TPPP: variants seen among roughly 807,000 people sequenced by gnomAD.
TPPP encodes tubulin polymerization-promoting protein.
TPPP carries 6 observed loss-of-function variants against 15.5 expected under a neutral mutation model. The ratio of observed to expected loss-of-function variants is 0.39; its 90% CI spans 0.21 to 0.77. The LOEUF (loss-of-function observed/expected upper bound fraction) is 0.77, where lower values mean the gene tolerates loss of function less well. TPPP is among the 30% of genes least tolerant of loss of function. The probability of loss-of-function intolerance (pLI) is 0.42; values close to 1 mark genes in which losing one functional copy is unlikely to be tolerated. For missense variants in TPPP, 269 were observed against 307.2 expected (o/e 0.88, Z 0.93); for synonymous variants, 146 against 133.9 (o/e 1.09, Z -0.63).
chr5:683,452 G>A (rs1377771823), intron 1 of TPPP, among the ~76,000 whole-genome samples: 1 of 152,216 alleles, frequency 6.6e-6, no homozygotes, highest in African/African-American at 2.4e-5. Flanking sequence ...TGCCTGGCAG[G>A]AGCCGATGCT....
chr5:665,054 G>C lies in TPPP; in HGVS notation c.*48C>G, dbSNP rs1739836232. ...ATGTAATGAAGTGCGAGGTGACAGA[G>C]TCCCTGCTCTGGGGACACCGGCAGT... On this transcript the variant is annotated 3_prime_UTR_variant, in exon 4 of 4. Coordinates refer to ENST00000360578, the MANE Select transcript of TPPP (RefSeq NM_007030.3). The C allele has an allele frequency of 6.3e-7, 1 of 1,574,862 alleles. No individual in the cohort carries two copies. The highest frequency in any genetic ancestry group is 1.3e-5 in the African/African-American group (1 of 74,460).
upstream of TPPP, among the ~76,000 whole-genome samples, chr5:693,610 C>T (rs568100147): frequency 6.2e-4 from 94 of 151,816 alleles, no homozygotes; most frequent in South Asian, 1.7e-3. Context: ...GCGGCCGACC[C>T]GCGGGTCGTG....
intron 2 of TPPP, among the ~76,000 whole-genome samples, chr5:673,103 G>T (rs1740280002): frequency 5.3e-5 from 8 of 152,144 alleles, no homozygotes. Flanking sequence ...CCTGAGGGAG[G>T]CAGAGGCTCC....
chr5:660,481 C>T lies in TPPP; in HGVS notation c.*4621G>A, dbSNP rs1193362590. 1 of 152,340 alleles carries T rather than the reference C, an allele frequency of 6.6e-6. No homozygotes were observed. Among genetic ancestry groups the T allele is most frequent in the East Asian group, 1.9e-4 (1 of 5,334 alleles). The allele number at this position is 152,340 out of a possible 1,614,324, so 9.4% of individuals were successfully genotyped here. A position where few individuals can be genotyped will look rare whatever the true frequency, so the allele number is the denominator to read the frequency against. ...AGTAAGAGGAGGAAAGATGCAGGTTCAGTGTTTGAAGGACGTTCTAGCCTA... is the reference window on the plus strand; with the variant it reads ...AGTAAGAGGAGGAAAGATGCAGGTTTAGTGTTTGAAGGACGTTCTAGCCTA... On this transcript the variant is annotated 3_prime_UTR_variant, in exon 4 of 4. Coordinates refer to ENST00000360578, the MANE Select transcript of TPPP (RefSeq NM_007030.3).
chr5:670,922 T>C (rs1249298998), intron 2 of TPPP, among the ~76,000 whole-genome samples: 3 of 152,158 alleles, frequency 2.0e-5, no homozygotes, highest in African/African-American at 7.2e-5. Context: ...TCCCCTCATC[T>C]CAGGAAACCG....
intron 2 of TPPP, among the ~76,000 whole-genome samples, chr5:673,058 AG>A (rs1416885009): frequency 7.9e-5 from 12 of 152,154 alleles, no homozygotes; most frequent in African/African-American, 2.9e-4. Flanking sequence ...AGCTTTCTGC[AG>A]TACCGAAGGC....
upstream of TPPP, among the ~76,000 whole-genome samples, chr5:697,910 GT>G (rs1288812322): frequency 6.9e-6 from 1 of 144,294 alleles, no homozygotes; most frequent in African/African-American, 2.6e-5. Context: ...CAATATCCCT[GT>G]GAATATAGAT....
chr5:669,381 G>A (rs1433830140), intron 2 of TPPP, among the ~76,000 whole-genome samples: 9 of 152,164 alleles, frequency 5.9e-5, no homozygotes, highest in African/African-American at 9.6e-5. Context: ...ACACCCGCAC[G>A]TTCCCTGTGG....
chr5:669,637 C>T (rs1740123576), intron 2 of TPPP, among the ~76,000 whole-genome samples: 1 of 152,162 alleles, frequency 6.6e-6, no homozygotes, highest in Non-Finnish European at 1.5e-5. Flanking sequence ...AGCCAGGCAC[C>T]ACCAGCATGA....
At chr5:671,711 A>T (rs12515813) in intron 2 of TPPP, among the ~76,000 whole-genome samples, 18,812 of 152,262 alleles carry the variant, frequency 0.12, 1,487 homozygotes, top group South Asian at 0.18. Flanking sequence ...GTCCCCCCGC[A>T]GGGGCTCCAC....
At chr5:691,893 C>A (rs1431013890) in intron 1 of TPPP, among the ~76,000 whole-genome samples, 1 of 100,020 alleles carries the variant, frequency 1.0e-5, no homozygotes, top group South Asian at 3.9e-4. Flanking sequence ...AAACAGCAGC[C>A]CCCCAAACCC....
At chr5:667,854 G>A (rs58811955) in intron 2 of TPPP, among the ~76,000 whole-genome samples, 1 of 75,740 alleles carries the variant, frequency 1.3e-5, no homozygotes, top group Non-Finnish European at 2.4e-5. Context: ...CCGCGTGGGC[G>A]CCGTCAGGGA....
Position 665,309 on chromosome 5 carries a change from C to T in TPPP, c.466-13G>A, listed in dbSNP as rs1322522772. On this transcript the variant is annotated splice_polypyrimidine_tract_variant and intron_variant, in intron 3 of 3. Transcript: ENST00000360578. ...ACGAGATGGCTTTCTGCAAGAGGAGCAGGAGGAAGGGGGCAGGTGAGTTGC... is the reference window on the plus strand; with the variant it reads ...ACGAGATGGCTTTCTGCAAGAGGAGTAGGAGGAAGGGGGCAGGTGAGTTGC... The T allele has an allele frequency of 6.2e-7, 1 of 1,607,954 alleles. No homozygotes were observed. The highest frequency in any genetic ancestry group is 8.5e-7 in the Non-Finnish European group (1 of 1,177,760).
chr5:680,565 G>A (rs576431), intron 1 of TPPP, among the ~76,000 whole-genome samples: 62,139 of 141,700 alleles, frequency 0.44, 14,327 homozygotes, highest in East Asian at 0.54. Context: ...ACGGGCGCTT[G>A]GGAGGGCTGA....
chr5:666,186 G>T, intron 2 of TPPP, 63 bp from the exon 3 acceptor site: 1 of 1,574,674 alleles, frequency 6.4e-7, no homozygotes, highest in South Asian at 1.1e-5. Context: ...CTCCCCACGC[G>T]TGGGTCTGAG....
intron 1 of TPPP, among the ~76,000 whole-genome samples, chr5:688,724 C>T (rs1740829636): frequency 7.4e-6 from 1 of 134,496 alleles, no homozygotes; most frequent in Non-Finnish European, 1.7e-5. Flanking sequence ...GTGGCTCTGT[C>T]CATGGCCCAG....
rs368941858 is a variant in TPPP, at chr5:676,817, TGCACACATGC to T, written c.311+923_311+932del. ...ACGCACGTGCACATGCAGAAACACATGCACACATGCGCACACGTGCACACACGACACAGAA... is the reference window on the plus strand; with the variant it reads ...ACGCACGTGCACATGCAGAAACACATGCACACGTGCACACACGACACAGAA... On this transcript the variant is annotated intron_variant, in intron 2 of 3. Coordinates refer to ENST00000360578, the MANE Select transcript of TPPP (RefSeq NM_007030.3). 4.2e-3 allele frequency among the ~76,000 whole-genome samples: 427 copies of T among 100,666 alleles called. 1 individual carries two copies. Among genetic ancestry groups the T allele is most frequent in the African/African-American group, 5.4e-3 (37 of 6,804 alleles). 66.0% of individuals were successfully genotyped at this position (100,666 alleles called of 152,430 possible).
rs375949324 is a variant in TPPP at position 677,993 on chromosome 5, G to A, written c.68C>T (p.Ser23Leu). Residue 23 changes from serine to leucine, a missense_variant, in exon 2 of 4, where the codon TCG becomes TTG. By Grantham distance (145) the Ser-to-Leu change is moderately radical (BLOSUM62 -2). Coordinates refer to ENST00000360578, the MANE Select transcript of TPPP (RefSeq NM_007030.3). ...RTPPKSPGDP[S>L]KDRAAKRLSL... Reference sequence around the variant, plus strand: ...CAGCCTCTTGGCTGCCCGGTCCTTCGAGGGGTCCCCCGGGGACTTGGGGGG... The same window carrying A: ...CAGCCTCTTGGCTGCCCGGTCCTTCAAGGGGTCCCCCGGGGACTTGGGGGG... 263 of 1,607,738 alleles carry A rather than the reference G, an allele frequency of 1.6e-4. 2 individuals are homozygous for A. Among genetic ancestry groups the A allele is most frequent in the Non-Finnish European group, 9.2e-5 (108 of 1,177,692 alleles).
At chr5:676,409 G>A (rs1247476575) in intron 2 of TPPP, 1 of 152,244 alleles carries the variant, frequency 6.6e-6, no homozygotes, top group Non-Finnish European at 1.5e-5. Context: ...TGGCGCCGCA[G>A]AGGTGGGCCC....
Sources: gnomAD v4.1 joint callset for allele counts (sites outside exome capture counted in the v4.1 genomes callset) on GRCh38, gnomAD v4.1.1 for gene constraint, MANE v1.5 for transcripts, NCBI Gene and HGNC (gene_info 2026-07-23, HGNC 2026-07-21) for gene names.